Variants in TNKS observed in about 807,000 individuals in gnomAD.
TNKS encodes the protein poly [ADP-ribose] polymerase tankyrase-1.
In TNKS, 72 loss-of-function variants were observed where a neutral mutation model predicts 135.8. That is an observed-to-expected ratio of 0.53 (90% CI 0.44 to 0.64). TNKS has a LOEUF of 0.64. Ranked by LOEUF, TNKS falls within the 30% of genes least tolerant of loss-of-function variation. TNKS has a pLI of 0.00. For synonymous variants in TNKS, 849 were observed against 649.3 expected (o/e 1.31, Z -4.68); for missense variants, 1,769 against 1,674.0 (o/e 1.06, Z -0.99).
At chr8:9,767,446 T>G (rs1181381011) in intron 25 of TNKS, among the ~76,000 whole-genome samples, 1 of 152,252 alleles carries the variant, frequency 6.6e-6, no homozygotes, top group Non-Finnish European at 1.5e-5. Flanking sequence ...AATAAGATAC[T>G]TTGTAATTTG....
At chr8:9,696,359 G>C (rs1368208769) in intron 5 of TNKS, among the ~76,000 whole-genome samples, 1 of 152,046 alleles carries the variant, frequency 6.6e-6, no homozygotes, top group Non-Finnish European at 1.5e-5. Flanking sequence ...AGTGATCATC[G>C]ATACCAAATA....
intron 5 of TNKS, among the ~76,000 whole-genome samples, chr8:9,690,901 C>T (rs1803234696): frequency 6.6e-6 from 1 of 152,116 alleles, no homozygotes; most frequent in South Asian, 2.1e-4. Flanking sequence ...ATCTAGGATT[C>T]ATAGAATCTT....
intron 3 of TNKS, among the ~76,000 whole-genome samples, chr8:9,669,471 G>C (rs993484336): frequency 1.2e-4 from 18 of 151,772 alleles, no homozygotes; most frequent in African/African-American, 4.4e-4. Flanking sequence ...GTAGGGACAA[G>C]GCATTGTATG....
intron 6 of TNKS, among the ~76,000 whole-genome samples, chr8:9,705,538 A>T (rs1804001315): frequency 6.6e-6 from 1 of 152,036 alleles, no homozygotes. Context: ...TGCTTGAGAC[A>T]CTTACCAGAA....
At chr8:9,717,334 A>G (rs555760821) in intron 11 of TNKS, among the ~76,000 whole-genome samples, 19 of 151,966 alleles carry the variant, frequency 1.3e-4, no homozygotes, top group African/African-American at 4.6e-4. Flanking sequence ...TTAACTATGC[A>G]TACCACCAAG....
chr8:9,746,881 C>CTTTTTTTTTTTTTTTTTTTTTTTTTT (rs10672387), intron 17 of TNKS, among the ~76,000 whole-genome samples: 4 of 117,230 alleles, frequency 3.4e-5, no homozygotes, highest in African/African-American at 1.1e-4. Flanking sequence ...CCTACTTAAA[C>CTTTTTTTTTTTTTTTTTTTTTTTTTT]TTTTTTTTTT....
At chr8:9,598,761 GTGTGTATATA>G (rs1798894719) in intron 2 of TNKS, among the ~76,000 whole-genome samples, 19 of 67,256 alleles carry the variant, frequency 2.8e-4, no homozygotes, top group African/African-American at 1.1e-3. Context: ...GTATATGTGT[GTGTGTATATA>G]TATATATATA....
chr8:9,713,519 A>C (rs1458970371), intron 11 of TNKS, among the ~76,000 whole-genome samples: 1 of 152,164 alleles, frequency 6.6e-6, no homozygotes, highest in Non-Finnish European at 1.5e-5. Flanking sequence ...GTACATTTTC[A>C]TCAGTAACAT....
intron 23 of TNKS, 69 bp downstream of exon 23, chr8:9,764,859 GA>G: frequency 5.3e-6 from 7 of 1,314,030 alleles, no homozygotes; most frequent in Non-Finnish European, 7.3e-6. Context: ...TCTAGACAAT[GA>G]AAAAAGTTTA....
chr8:9,651,654 G>A (rs1801152403), intron 3 of TNKS, among the ~76,000 whole-genome samples: 1 of 152,202 alleles, frequency 6.6e-6, no homozygotes, highest in Non-Finnish European at 1.5e-5. Context: ...GAGGAATGAA[G>A]CCAGGCTGGT....
intron 3 of TNKS, among the ~76,000 whole-genome samples, chr8:9,645,945 C>T (rs190819176): frequency 1.7e-3 from 262 of 152,242 alleles, no homozygotes; most frequent in Admixed American, 4.2e-3. Flanking sequence ...TAACTGTGTT[C>T]CCAAGACGTT....
chr8:9,702,885 G>A (rs1289120969), intron 5 of TNKS, among the ~76,000 whole-genome samples: 1 of 152,054 alleles, frequency 6.6e-6, no homozygotes, highest in African/African-American at 2.4e-5. Flanking sequence ...GTATGGTGGT[G>A]CGCGCCTGTA....
intron 1 of TNKS, among the ~76,000 whole-genome samples, chr8:9,576,527 G>A (rs567024178): frequency 1.3e-5 from 2 of 148,862 alleles, no homozygotes; most frequent in African/African-American, 2.5e-5. Context: ...CTGGAGTGCA[G>A]TGGGGCGATC....
chr8:9,612,124 A>C (rs1193852315), intron 2 of TNKS, among the ~76,000 whole-genome samples: 1 of 152,196 alleles, frequency 6.6e-6, no homozygotes, highest in South Asian at 2.1e-4. Flanking sequence ...TTTAAAAGTC[A>C]TGAGAACTGA....
At chr8:9,585,914 G>C (rs1798361320) in intron 2 of TNKS, among the ~76,000 whole-genome samples, 1 of 152,122 alleles carries the variant, frequency 6.6e-6, no homozygotes, top group Non-Finnish European at 1.5e-5. Context: ...ATAGTGGTTG[G>C]AGTCAAAGAG....
At chr8:9,558,980 G>T (rs776934960) in intron 1 of TNKS, 2 of 152,174 alleles carry the variant, frequency 1.3e-5, no homozygotes, top group Non-Finnish European at 2.9e-5. Context: ...AATTGTCACG[G>T]AATAGCTGTT....
intron 3 of TNKS, among the ~76,000 whole-genome samples, chr8:9,623,830 C>T (rs979061084): frequency 2.6e-5 from 4 of 151,938 alleles, no homozygotes; most frequent in African/African-American, 4.8e-5. Context: ...GGTGAAACCC[C>T]GTCTCTACCA....
At chr8:9,626,476 G>A (rs891059035) in intron 3 of TNKS, among the ~76,000 whole-genome samples, 2 of 152,192 alleles carry the variant, frequency 1.3e-5, no homozygotes, top group Admixed American at 1.3e-4. Context: ...ATTTATTGCA[G>A]TAGCAATAGG....
intron 5 of TNKS, among the ~76,000 whole-genome samples, chr8:9,686,151 C>T (rs1346588099): frequency 3.9e-5 from 6 of 152,150 alleles, no homozygotes; most frequent in African/African-American, 4.8e-5. Flanking sequence ...ATTCAGGACA[C>T]GCCCCTGAGT....
Sources: gnomAD v4.1 joint callset for allele counts (sites outside exome capture counted in the v4.1 genomes callset) on GRCh38, gnomAD v4.1.1 for gene constraint, MANE v1.5 for transcripts, NCBI Gene and HGNC (gene_info 2026-07-23, HGNC 2026-07-21) for gene names.